EML6: variants seen among roughly 807,000 people sequenced by gnomAD.
EML6 encodes EMAP like 6, also known as echinoderm microtubule-associated protein-like 6.
A neutral mutation model predicts 240.1 loss-of-function variants in EML6; 154 were observed. The observed-to-expected ratio is 0.64, with a 90% CI of 0.56 to 0.73. EML6 has a LOEUF of 0.73. Among genes scored for constraint, EML6 ranks in the 30% least tolerant of loss-of-function variants. The pLI is 0.00. For missense variants in EML6, 2,964 were observed against 2,474.6 expected (o/e 1.20, Z -4.20); for synonymous variants, 1,148 against 899.0 (o/e 1.28, Z -4.95).
At chr2:54,794,815 G>C (rs1669666870) in intron 2 of EML6, among the ~76,000 whole-genome samples, 1 of 152,200 alleles carries the variant, frequency 6.6e-6, no homozygotes, top group African/African-American at 2.4e-5. Context: ...GTTTGGTTTA[G>C]TAAATGCCTA....
At chr2:54,835,823 G>C (rs1669111274) in intron 7 of EML6, among the ~76,000 whole-genome samples, 1 of 152,130 alleles carries the variant, frequency 6.6e-6, no homozygotes, top group Non-Finnish European at 1.5e-5. Flanking sequence ...TATTACAGTG[G>C]ACAGGAGAGC....
intron 5 of EML6, among the ~76,000 whole-genome samples, chr2:54,823,185 A>C (rs559418417): frequency 2.6e-5 from 4 of 152,344 alleles, no homozygotes; most frequent in Non-Finnish European, 5.9e-5. Flanking sequence ...GAAAGGTAAA[A>C]ATCAAAGCCC....
At chr2:54,969,791 T>A (rs1393999533) in intron 41 of EML6, among the ~76,000 whole-genome samples, 6 of 151,958 alleles carry the variant, frequency 3.9e-5, no homozygotes, top group East Asian at 1.9e-4. Flanking sequence ...CAGGAGAGAG[T>A]GTGATATCAA....
chr2:54,829,554 C>CATT (rs1374792929), intron 7 of EML6, 77 bp downstream of exon 7: 10 of 1,188,750 alleles, frequency 8.4e-6, no homozygotes, highest in African/African-American at 3.1e-5. Context: ...ATTTGTTTCT[C>CATT]TGTACCCCAT....
intron 2 of EML6, among the ~76,000 whole-genome samples, chr2:54,777,042 A>T (rs1044069839): frequency 2.0e-5 from 3 of 152,148 alleles, no homozygotes; most frequent in African/African-American, 7.2e-5. Context: ...TTATTCTACC[A>T]CAATTGCCAG....
chr2:54,892,760 C>A, intron 19 of EML6, 104 bp downstream of exon 19: 2 of 785,878 alleles, frequency 2.5e-6, no homozygotes. Flanking sequence ...ACAGGCCTGT[C>A]TGAATTAGGA....
rs1261622157 is a variant in EML6, at chr2:54,853,857, T to A, written c.1657+2T>A. ...TTAAATTTCCTTGTCTCAAGAGAGG[T>A]AAGGCCAAAAGAGATGTTTCATTGC... On this transcript the variant is annotated splice_donor_variant, in intron 11 of 41. Coordinates refer to ENST00000356458, the MANE Select transcript of EML6 (RefSeq NM_001039753.4). LOFTEE classifies it high-confidence loss of function. The A allele has an allele frequency of 2.6e-6, 4 of 1,544,258 alleles. No individual in the cohort carries two copies. Among genetic ancestry groups the A allele is most frequent in the Non-Finnish European group, 3.5e-6 (4 of 1,140,654 alleles).
At chr2:54,870,437 G>C (rs1272091166) in intron 15 of EML6, among the ~76,000 whole-genome samples, 1 of 152,040 alleles carries the variant, frequency 6.6e-6, no homozygotes, top group African/African-American at 2.4e-5. Context: ...AGGATCCACA[G>C]CTTTTAAATT....
rs1358045581 is a variant in EML6 at position 54,948,911 on chromosome 2, C to T, written c.4034C>T (p.Pro1345Leu). The T allele has an allele frequency of 1.3e-6, 2 of 1,551,518 alleles. No homozygotes were observed. Among genetic ancestry groups the T allele is most frequent in the Non-Finnish European group, 8.7e-7 (1 of 1,146,972 alleles). The stretch of plus-strand genomic sequence containing the variant: ...CCCGTTAGCCGAGCAGCTCCCCAGC[C>T]TGAGAAACTGCAGAAGAACAATATC... The part of the protein sequence containing the change: ...RPPVSRAAPQ[P>L]EKLQKNNITK... Residue 1345 changes from proline to leucine, a missense_variant, in exon 29 of 42, where the codon CCT (proline) becomes CTT (leucine). Pro to Leu is a moderately conservative substitution (Grantham distance 98). Transcript: ENST00000356458.
chr2:54,928,510 T>G lies in EML6; in HGVS notation c.3873T>G (p.Asp1291Glu), dbSNP rs1227214043. The stretch of plus-strand genomic sequence containing the variant: ...AGTCAGACACCGACGTGGAAGAGGA[T>G]GGAGGTGAGCCCCCCACCTGCCACA... ...SEESDTDVEE[D>E]GGYDSDVARE... is the part of the protein sequence containing the mutation. The change falls in exon 27 of 42, where the codon GAT becomes GAG. Residue 1291 changes from aspartate (D) to glutamate (E), a missense_variant. Coordinates refer to ENST00000356458, the MANE Select transcript of EML6 (RefSeq NM_001039753.4). 1.3e-6 allele frequency: 2 copies of G among 1,545,180 alleles called. No homozygotes were observed. Among genetic ancestry groups the G allele is most frequent in the East Asian group, 2.5e-5 (1 of 40,812 alleles).
rs1050830128 is a variant in EML6, at chr2:54,968,897, A to T, written c.5852+129A>T. 6.0e-5 allele frequency: 36 copies of T among 597,158 alleles called. No homozygotes were observed. The South Asian group carries it at 6.5e-4, about 11-fold the overall frequency. The allele number at this position is 597,158 out of a possible 1,614,324, so 37.0% of individuals were successfully genotyped here. A position where few individuals can be genotyped will look rare whatever the true frequency, so the allele number is the denominator to read the frequency against. On this transcript the variant is annotated intron_variant, in intron 41 of 41. Transcript: ENST00000356458. ...GCTGATGTGGGGCTAATAAACAGGA[A>T]ATTCCATGAGTCCTCATGAAGGCAA...
At position 54,931,842 on chromosome 2, in the gene EML6, T is replaced by C. The variant is rs989717003; in HGVS notation, c.4004+3091T>C. ...TACCTCTGGTAAATCCCCTGTCACC[T>C]AAAAGCAATTAGAAACCTTGAGATG... On this transcript the variant is annotated intron_variant, in intron 28 of 41. Coordinates refer to ENST00000356458, the MANE Select transcript of EML6 (RefSeq NM_001039753.4). Among the ~76,000 whole-genome samples, 6 of 152,312 alleles carry C rather than the reference T, an allele frequency of 3.9e-5. No homozygotes were observed. The East Asian group carries it at 1.2e-3, about 29-fold the overall frequency.
chr2:54,969,070 A>G (rs1676877476), intron 41 of EML6, among the ~76,000 whole-genome samples: 1 of 152,170 alleles, frequency 6.6e-6, no homozygotes, highest in South Asian at 2.1e-4. Flanking sequence ...GAGATGGCTG[A>G]TTTGAGTAGA....
intron 28 of EML6, among the ~76,000 whole-genome samples, chr2:54,934,272 G>A (rs1386076551): frequency 1.3e-5 from 2 of 152,096 alleles, no homozygotes; most frequent in African/African-American, 2.4e-5. Flanking sequence ...GTTCCTACTG[G>A]GATGTCAGTG....
intron 2 of EML6, among the ~76,000 whole-genome samples, chr2:54,754,798 C>T (rs1173568625): frequency 2.0e-5 from 3 of 152,174 alleles, no homozygotes; most frequent in East Asian, 1.9e-4. Context: ...CTTCTCAAAA[C>T]GGCACTGTCC....
chr2:54,866,156 A>G (rs1573029848), intron 13 of EML6, among the ~76,000 whole-genome samples: 1 of 152,334 alleles, frequency 6.6e-6, no homozygotes. Context: ...AAGATGAGAA[A>G]TTATTACTAG....
intron 30 of EML6, among the ~76,000 whole-genome samples, chr2:54,951,937 C>T (rs1189142116): frequency 6.6e-6 from 1 of 152,172 alleles, no homozygotes; most frequent in Non-Finnish European, 1.5e-5. Flanking sequence ...TCTTTAGGTT[C>T]TTGAGCATTT....
At position 54,970,254 on chromosome 2, in the gene EML6, C is replaced by A. The variant is rs1227526219; in HGVS notation, c.*159C>A. 4.2e-6 allele frequency: 3 copies of A among 718,154 alleles called. No individual in the cohort carries two copies. The highest frequency in any genetic ancestry group is 4.5e-5 in the Admixed American group (2 of 44,090). The allele number at this position is 718,154 out of a possible 1,614,324, so 44.5% of individuals were successfully genotyped here. On this transcript the variant is annotated 3_prime_UTR_variant, in exon 42 of 42. Coordinates refer to ENST00000356458, the MANE Select transcript of EML6 (RefSeq NM_001039753.4). ...CGCTGCAGAAGTTACACAACTGCTC[C>A]CATAATCTGGACTCTCCAAAACCGT...
chr2:54,842,555 G>A (rs1194241259), intron 7 of EML6, among the ~76,000 whole-genome samples: 1 of 152,186 alleles, frequency 6.6e-6, no homozygotes, highest in Admixed American at 6.5e-5. Context: ...CCAAGTCCTC[G>A]AACGTCTGAT....
Sources: gnomAD v4.1 joint callset for allele counts (sites outside exome capture counted in the v4.1 genomes callset) on GRCh38, gnomAD v4.1.1 for gene constraint, MANE v1.5 for transcripts, NCBI Gene and HGNC (gene_info 2026-07-23, HGNC 2026-07-21) for gene names.